MAST2: variants seen among roughly 807,000 people sequenced by gnomAD.
The protein encoded by MAST2 is microtubule-associated serine/threonine-protein kinase 2.
A neutral mutation model predicts 147.4 loss-of-function variants in MAST2; 70 were observed. The observed-to-expected ratio is 0.47, with a 90% CI of 0.39 to 0.58. The LOEUF (loss-of-function observed/expected upper bound fraction) is 0.58, where lower values mean the gene tolerates loss of function less well. Ranked by LOEUF, MAST2 falls within the 20% of genes least tolerant of loss-of-function variation. The pLI is 0.00. For synonymous variants in MAST2, 869 were observed against 896.8 expected, an observed-to-expected ratio of 0.97 and a Z score of 0.55; for missense variants, 2,080 against 2,302.3, an observed-to-expected ratio of 0.90 and a Z score of 1.98.
Position 46,030,780 on chromosome 1 carries a change from C to T in MAST2, c.2708+19C>T. 1 of 1,555,768 alleles carries T rather than the reference C, an allele frequency of 6.4e-7. No individual in the cohort carries two copies. The highest frequency in any genetic ancestry group is 8.7e-7 in the Non-Finnish European group (1 of 1,154,782). Reference sequence around the variant, plus strand: ...CTGAGATGTGAGCACCCAGAGTTCACCCAGGGTGGGCGACACAGCTATCCC... The same window carrying T: ...CTGAGATGTGAGCACCCAGAGTTCATCCAGGGTGGGCGACACAGCTATCCC... On this transcript the variant is annotated intron_variant, in intron 22 of 28. Transcript: ENST00000361297.
chr1:46,033,731 G>A, intron 26 of MAST2, 71 bp from the exon 27 acceptor site: 2 of 1,577,960 alleles, frequency 1.3e-6, no homozygotes, highest in Non-Finnish European at 8.6e-7. Context: ...TGCCAGAAGG[G>A]AAGGATTGGG....
chr1:45,885,294 G>A (rs1570542318), intron 4 of MAST2, among the ~76,000 whole-genome samples: 3 of 152,114 alleles, frequency 2.0e-5, no homozygotes, highest in African/African-American at 4.8e-5. Flanking sequence ...ATAAAGGCCC[G>A]TTTCCTCTGA....
At chr1:45,873,912 C>T (rs887586415) in intron 3 of MAST2, among the ~76,000 whole-genome samples, 2 of 152,152 alleles carry the variant, frequency 1.3e-5, no homozygotes, top group Admixed American at 6.5e-5. Flanking sequence ...CCTCTGCCTC[C>T]CAAGCTCAAG....
intron 3 of MAST2, among the ~76,000 whole-genome samples, chr1:45,838,500 G>A (rs1202159092): frequency 6.6e-6 from 1 of 151,990 alleles, no homozygotes; most frequent in Non-Finnish European, 1.5e-5. Flanking sequence ...TGGGATTACA[G>A]GTGTCAGCCA....
intron 4 of MAST2, among the ~76,000 whole-genome samples, chr1:45,918,756 C>G (rs962707132): frequency 9.9e-5 from 15 of 152,090 alleles, no homozygotes; most frequent in African/African-American, 3.6e-4. Flanking sequence ...TGTTTTTATG[C>G]TGGGTGAGAT....
chr1:45,877,628 T>A (rs1176736709), intron 3 of MAST2, among the ~76,000 whole-genome samples: 5 of 152,184 alleles, frequency 3.3e-5, no homozygotes, highest in Non-Finnish European at 5.9e-5. Context: ...CTTATTAACA[T>A]ACAGGCAAAT....
At chr1:46,004,291 G>T (rs1197429662) in intron 7 of MAST2, among the ~76,000 whole-genome samples, 2 of 148,510 alleles carry the variant, frequency 1.3e-5, no homozygotes, top group Non-Finnish European at 3.0e-5. Flanking sequence ...TTGAACCCAG[G>T]AGGCGGAGAT....
At chr1:45,928,275 G>A (rs1654725822) in intron 4 of MAST2, among the ~76,000 whole-genome samples, 1 of 152,040 alleles carries the variant, frequency 6.6e-6, no homozygotes, top group South Asian at 2.1e-4. Flanking sequence ...TAAATGTAAG[G>A]ACTCCTGAAA....
intron 4 of MAST2, among the ~76,000 whole-genome samples, chr1:45,899,212 G>C (rs538295610): frequency 6.6e-6 from 1 of 151,118 alleles, no homozygotes; most frequent in East Asian, 2.0e-4. Context: ...AACAGCTCTT[G>C]ATCAATTTTT....
In MAST2 at chr1:45,981,135, G is replaced by A. The variant is rs193273953; in HGVS notation, c.593-16589G>A. ...TGCCCAGGCTGGAGTGCAGTGACGC[G>A]ATCTCGGCTCACTACAACCTCTGCC... On this transcript the variant is annotated intron_variant, in intron 5 of 28. Coordinates refer to ENST00000361297, the MANE Select transcript of MAST2 (RefSeq NM_015112.3). 7.2e-5 allele frequency among the ~76,000 whole-genome samples: 11 copies of A among 152,102 alleles called. No homozygotes were observed. The East Asian group carries it at 2.1e-3, about 29-fold the overall frequency.
rs776561561 is a variant in MAST2, at chr1:46,022,043, A to G, written c.1384A>G (p.Ile462Val). 4 of 1,614,064 alleles carry G rather than the reference A, an allele frequency of 2.5e-6. No homozygotes were observed. Among genetic ancestry groups the G allele is most frequent in the Non-Finnish European group, 3.4e-6 (4 of 1,180,022 alleles). ...GATTAAATGTGACATTCCCCGCTAC[A>G]TCGTTAGCCAGCTGGGCCTCACCCG... The part of the protein sequence containing the change: ...QGIKCDIPRY[I>V]VSQLGLTRDP... Residue 462 changes from isoleucine (I) to valine (V), a missense_variant, in exon 12 of 29, where the codon ATC becomes GTC. This residue lies in a region of MAST2 where 569 missense variants were observed against 642.5 expected (regional missense o/e 0.89). Coordinates refer to ENST00000361297, the MANE Select transcript of MAST2 (RefSeq NM_015112.3).
chr1:45,921,820 A>G (rs1028387414), intron 4 of MAST2, among the ~76,000 whole-genome samples: 1 of 151,508 alleles, frequency 6.6e-6, no homozygotes, highest in Non-Finnish European at 1.5e-5. Context: ...GTCGCCCACA[A>G]TGTGTTGAGC....
At chr1:46,012,182 C>T (rs958115994) in intron 10 of MAST2, among the ~76,000 whole-genome samples, 11 of 152,222 alleles carry the variant, frequency 7.2e-5, no homozygotes, top group African/African-American at 2.4e-4. Flanking sequence ...AAGGGGTACC[C>T]CAGAGACATA....
chr1:45,955,942 A>G (rs1659595899), intron 4 of MAST2, among the ~76,000 whole-genome samples: 1 of 152,212 alleles, frequency 6.6e-6, no homozygotes, highest in African/African-American at 2.4e-5. Context: ...AGATTGTATG[A>G]CTGTGATAAT....
chr1:45,971,894 G>A (rs1643926403), intron 5 of MAST2, among the ~76,000 whole-genome samples: 7 of 152,128 alleles, frequency 4.6e-5, no homozygotes, highest in Admixed American at 3.9e-4. Context: ...TTTAGGAGTA[G>A]GATCAATAGG....
intron 8 of MAST2, 92 bp from the exon 9 acceptor site, chr1:46,008,204 T>C (rs963705257): frequency 1.8e-5 from 14 of 775,376 alleles, no homozygotes; most frequent in Non-Finnish European, 2.9e-5. Context: ...CTGCTGAAGA[T>C]GGTGGGAGGG....
At chr1:45,964,684 T>C (rs1440746571) in intron 5 of MAST2, among the ~76,000 whole-genome samples, 2 of 152,100 alleles carry the variant, frequency 1.3e-5, no homozygotes, top group South Asian at 2.1e-4. Flanking sequence ...GATTCACTGA[T>C]TTTTTTGAAG....
At chr1:45,813,354 G>A (rs1044612796) in intron 1 of MAST2, among the ~76,000 whole-genome samples, 1 of 151,256 alleles carries the variant, frequency 6.6e-6, no homozygotes, top group Non-Finnish European at 1.5e-5. Context: ...TTTTGAGACC[G>A]AGTCTTGCTC....
At chr1:45,982,088 A>G (rs879570579) in intron 5 of MAST2, among the ~76,000 whole-genome samples, 10 of 152,158 alleles carry the variant, frequency 6.6e-5, no homozygotes, top group Admixed American at 2.0e-4. Context: ...ACCTCAGGCA[A>G]TCTGCCTGCC....
Sources: allele counts gnomAD v4.1 joint callset (sites outside exome capture counted in the v4.1 genomes callset), GRCh38; gene constraint gnomAD v4.1.1; regional missense constraint gnomAD v4.1.1; transcripts MANE v1.5; gene names NCBI Gene and HGNC (gene_info 2026-07-23, HGNC 2026-07-21).